DPP10: variants seen among roughly 807,000 people sequenced by gnomAD.
DPP10 encodes the protein inactive dipeptidyl peptidase 10.
Under a neutral mutation model 120.9 loss-of-function variants are expected in DPP10, and 33 were observed. The observed-to-expected ratio is 0.27, with a 90% CI of 0.21 to 0.37. The LOEUF is 0.37. Ranked by LOEUF, DPP10 falls within the 10% of genes least tolerant of loss-of-function variation. DPP10 has a pLI of 1.00. For synonymous variants in DPP10, 337 were observed against 326.1 expected (o/e 1.03, Z -0.36); for missense variants, 816 against 942.8 (o/e 0.87, Z 1.76).
rs190431068 is a variant in DPP10 at position 115,028,833 on chromosome 2, G to C, written c.61-280406G>C. ...CTGACTTTCTTTGTCTCTTTTTACA[G>C]CATTTTACTTGTAGTCTATTTTATC... is the stretch of plus-strand genomic sequence containing the variant. On this transcript the variant is annotated intron_variant, in intron 1 of 25. Coordinates refer to ENST00000410059, the MANE Select transcript of DPP10 (RefSeq NM_020868.6). Among the ~76,000 whole-genome samples, 298 of 152,060 alleles carry C rather than the reference G, an allele frequency of 2.0e-3. 1 individual carries two copies. Among genetic ancestry groups the C allele is most frequent in the South Asian group, 2.1e-3 (10 of 4,826 alleles).
chr2:115,426,012 C>A (rs993982805), intron 3 of DPP10, among the ~76,000 whole-genome samples: 1 of 152,208 alleles, frequency 6.6e-6, no homozygotes, highest in South Asian at 2.1e-4. Context: ...CCTCCATGAC[C>A]CAAACACCTC....
chr2:114,949,390 C>G (rs1697608353), intron 1 of DPP10, among the ~76,000 whole-genome samples: 1 of 152,126 alleles, frequency 6.6e-6, no homozygotes, highest in Non-Finnish European at 1.5e-5. Context: ...GGAGCCAAAC[C>G]ATATCAGAGA....
intron 19 of DPP10, among the ~76,000 whole-genome samples, chr2:115,802,547 T>C (rs1275668876): frequency 4.6e-5 from 7 of 152,334 alleles, no homozygotes; most frequent in African/African-American, 1.7e-4. Flanking sequence ...AGATCTTTCC[T>C]GCTTTCTGTT....
chr2:114,994,618 C>A (rs1200661412), intron 1 of DPP10, among the ~76,000 whole-genome samples: 2 of 152,202 alleles, frequency 1.3e-5, no homozygotes, highest in African/African-American at 4.8e-5. Flanking sequence ...ATTCTCTAGA[C>A]CTTGTCCCTG....
chr2:115,547,953 A>T (rs2079617004), intron 5 of DPP10, among the ~76,000 whole-genome samples: 1 of 152,148 alleles, frequency 6.6e-6, no homozygotes, highest in Non-Finnish European at 1.5e-5. Flanking sequence ...ATTTTGCTTA[A>T]TAACCCAATT....
At chr2:115,036,313 G>T (rs1704224719) in intron 1 of DPP10, among the ~76,000 whole-genome samples, 1 of 152,162 alleles carries the variant, frequency 6.6e-6, no homozygotes, top group Admixed American at 6.5e-5. Flanking sequence ...TGGGGATTAT[G>T]GGGATTACAA....
At chr2:114,911,055 C>G (rs974597696) in intron 1 of DPP10, among the ~76,000 whole-genome samples, 8 of 152,102 alleles carry the variant, frequency 5.3e-5, no homozygotes, top group African/African-American at 1.4e-4. Context: ...AGCAAGACAC[C>G]AGTGCAGTCT....
intron 3 of DPP10, among the ~76,000 whole-genome samples, chr2:115,470,169 C>T (rs555733781): frequency 3.3e-5 from 5 of 152,186 alleles, no homozygotes; most frequent in South Asian, 2.1e-4. Flanking sequence ...ATGTTCAACT[C>T]GGATATCTAG....
chr2:115,061,285 G>T (rs899230844), intron 1 of DPP10, among the ~76,000 whole-genome samples: 1 of 152,026 alleles, frequency 6.6e-6, no homozygotes, highest in African/African-American at 2.4e-5. Context: ...TTGACTATTC[G>T]TTATTAAAAA....
intron 1 of DPP10, among the ~76,000 whole-genome samples, chr2:114,599,663 T>G (rs539155053): frequency 2.0e-5 from 3 of 151,908 alleles, no homozygotes; most frequent in Admixed American, 2.0e-4. Flanking sequence ...GTTTCTAGTT[T>G]TGCGCTATTT....
At chr2:115,078,883 G>A (rs1180614461) in intron 1 of DPP10, among the ~76,000 whole-genome samples, 1 of 152,048 alleles carries the variant, frequency 6.6e-6, no homozygotes, top group Non-Finnish European at 1.5e-5. Context: ...ATAATATTTT[G>A]ATTATTTTGA....
chr2:115,368,800 T>G (rs1559493472), intron 3 of DPP10, among the ~76,000 whole-genome samples: 1 of 143,780 alleles, frequency 7.0e-6, no homozygotes, highest in East Asian at 2.0e-4. Context: ...TTAATTTTAA[T>G]TTTAATTTAA....
At chr2:115,343,389 A>G (rs577807435) in intron 2 of DPP10, among the ~76,000 whole-genome samples, 3 of 152,300 alleles carry the variant, frequency 2.0e-5, no homozygotes, top group African/African-American at 4.8e-5. Context: ...TTAGTCATAC[A>G]TAAGTCCCTC....
chr2:115,383,191 G>T (rs1361116592), intron 3 of DPP10, among the ~76,000 whole-genome samples: 1 of 152,178 alleles, frequency 6.6e-6, no homozygotes, highest in Non-Finnish European at 1.5e-5. Flanking sequence ...ATCTCATCTT[G>T]AATCCCCGTG....
intron 1 of DPP10, among the ~76,000 whole-genome samples, chr2:115,228,772 C>T (rs371115362): frequency 6.6e-6 from 1 of 152,226 alleles, no homozygotes; most frequent in South Asian, 2.1e-4. Context: ...TTCATCCACT[C>T]ATCTGTTGAT....
intron 1 of DPP10, among the ~76,000 whole-genome samples, chr2:115,203,184 C>A (rs35747327): frequency 0.06 from 9,153 of 152,154 alleles, 387 homozygotes; most frequent in East Asian, 0.18. Context: ...ATTCAACTGC[C>A]GTGTCCAAGA....
chr2:115,807,801 AAC>A (rs1686179020), intron 19 of DPP10, among the ~76,000 whole-genome samples: 1 of 152,034 alleles, frequency 6.6e-6, no homozygotes, highest in Non-Finnish European at 1.5e-5. Flanking sequence ...GAAAAAAAAA[AAC>A]ATTAAAACAT....
intron 1 of DPP10, among the ~76,000 whole-genome samples, chr2:114,884,790 A>T (rs1314325560): frequency 6.6e-6 from 1 of 152,100 alleles, no homozygotes; most frequent in African/African-American, 2.4e-5. Flanking sequence ...CTTAGCTCCC[A>T]CTTATGAGTG....
At chr2:115,800,558 T>C (rs1428335187) in intron 19 of DPP10, among the ~76,000 whole-genome samples, 1 of 152,144 alleles carries the variant, frequency 6.6e-6, no homozygotes, top group Non-Finnish European at 1.5e-5. Context: ...CTAGGGTTTT[T>C]ATGGTTTTAG....
Sources: allele counts gnomAD v4.1 joint callset (sites outside exome capture counted in the v4.1 genomes callset), GRCh38; gene constraint gnomAD v4.1.1; transcripts MANE v1.5; gene names NCBI Gene and HGNC (gene_info 2026-07-23, HGNC 2026-07-21).